Variants in SDK1 observed in about 807,000 individuals in gnomAD.
SDK1 encodes the protein sidekick cell adhesion molecule 1.
Under a neutral mutation model 245.5 loss-of-function variants are expected in SDK1, and 157 were observed. That is an observed-to-expected ratio of 0.64 (90% CI 0.56 to 0.73). The LOEUF is 0.73. SDK1 is among the 30% of genes least tolerant of loss of function. SDK1 has a pLI of 0.00. For missense variants in SDK1, 3,583 were observed against 3,002.3 expected, an observed-to-expected ratio of 1.19 and a Z score of -4.52; for synonymous variants, 1,647 against 1,278.5, an observed-to-expected ratio of 1.29 and a Z score of -6.15.
chr7:4,030,598 G>A (rs758341950), intron 17 of SDK1, among the ~76,000 whole-genome samples: 3 of 152,182 alleles, frequency 2.0e-5, no homozygotes, highest in African/African-American at 7.2e-5. Context: ...CATCATCAAC[G>A]GGCTTTTCAT....
At chr7:4,225,024 C>T (rs915144958) in intron 40 of SDK1, among the ~76,000 whole-genome samples, 4 of 144,896 alleles carry the variant, frequency 2.8e-5, no homozygotes, top group African/African-American at 7.7e-5. Context: ...AAAAGACACC[C>T]GCACTAGAAA....
intron 28 of SDK1, among the ~76,000 whole-genome samples, 180 bp from the exon 29 acceptor site, chr7:4,145,542 C>T (rs754182840): frequency 1.3e-5 from 2 of 152,090 alleles, no homozygotes; most frequent in South Asian, 2.1e-4. Flanking sequence ...GGGAAATCCA[C>T]GTGGGGCCCC....
rs771255866 is a variant in SDK1, at chr7:4,012,213, G to T, written c.2398G>T (p.Val800Leu). Residue 800 changes from valine to leucine, a missense_variant, in exon 16 of 45, where the codon GTG (valine) becomes TTG (leucine). Coordinates refer to ENST00000404826, the MANE Select transcript of SDK1 (RefSeq NM_152744.4). ...ACCCCCAGAAACAGAGCACAACGGG[G>T]TGTTGCGTGGATACATCCTCAGGCA... is the stretch of plus-strand genomic sequence containing the variant. ...QPPPETEHNG[V>L]LRGYILRYRL... The T allele has an allele frequency of 1.3e-6, 2 of 1,541,364 alleles. No individual in the cohort carries two copies. The highest frequency in any genetic ancestry group is 1.3e-5 in the South Asian group (1 of 78,974).
In SDK1 at chr7:3,974,486, C is replaced by G; in HGVS notation, c.1935C>G (p.Tyr645Ter). The G allele has an allele frequency of 6.2e-7, 1 of 1,614,168 alleles. No individual in the cohort carries two copies. Among genetic ancestry groups the G allele is most frequent in the Non-Finnish European group, 8.5e-7 (1 of 1,180,044 alleles). ...SQTWSGDIGD[Y>*]SCEIVSEGGN... ...CGTGGTCAGGCGACATCGGTGACTA[C>G]AGCTGCGAGATTGTTTCTGAAGGAG... The change falls in exon 13 of 45, where the codon TAC becomes TAG. Residue 645 changes from tyrosine (Y) to a stop codon, truncating the protein, a stop_gained. Coordinates refer to ENST00000404826, the MANE Select transcript of SDK1 (RefSeq NM_152744.4). LOFTEE classifies it high-confidence loss of function.
At chr7:3,488,748 C>T (rs2128604449) in intron 1 of SDK1, among the ~76,000 whole-genome samples, 1 of 152,260 alleles carries the variant, frequency 6.6e-6, no homozygotes, top group African/African-American at 2.4e-5. Context: ...GCCTCAGTAG[C>T]ATCATCAAAA....
intron 42 of SDK1, among the ~76,000 whole-genome samples, chr7:4,239,430 A>C (rs989736883): frequency 6.6e-6 from 1 of 152,260 alleles, no homozygotes; most frequent in East Asian, 1.9e-4. Context: ...AGATTAGCAT[A>C]GCTTGTGCAT....
intron 22 of SDK1, among the ~76,000 whole-genome samples, chr7:4,101,920 C>A (rs1234629974): frequency 6.6e-6 from 1 of 152,120 alleles, no homozygotes; most frequent in Non-Finnish European, 1.5e-5. Flanking sequence ...AGAGAGCCAG[C>A]ACCCCAGGAA....
chr7:4,198,303 A>G (rs772188716), intron 35 of SDK1, among the ~76,000 whole-genome samples: 1 of 152,152 alleles, frequency 6.6e-6, no homozygotes, highest in African/African-American at 2.4e-5. Context: ...TTCCCACTGC[A>G]CCCCTGACAG....
At chr7:4,107,987 A>C (rs962574008) in intron 22 of SDK1, among the ~76,000 whole-genome samples, 1 of 152,154 alleles carries the variant, frequency 6.6e-6, no homozygotes, top group East Asian at 1.9e-4. Context: ...TTCCTAGCTT[A>C]TGGGTGGGCC....
At chr7:3,452,843 A>G (rs1780557634) in intron 1 of SDK1, among the ~76,000 whole-genome samples, 1 of 151,982 alleles carries the variant, frequency 6.6e-6, no homozygotes, top group South Asian at 2.1e-4. Context: ...ATTCCTGCCT[A>G]GGTCATCTCT....
At chr7:3,726,038 G>A (rs971859716) in intron 4 of SDK1, among the ~76,000 whole-genome samples, 7 of 152,218 alleles carry the variant, frequency 4.6e-5, no homozygotes, top group African/African-American at 1.7e-4. Flanking sequence ...TTTGCTAAGT[G>A]TGCTTGAAGC....
intron 5 of SDK1, among the ~76,000 whole-genome samples, chr7:3,937,638 C>T (rs901701382): frequency 6.6e-6 from 1 of 152,160 alleles, no homozygotes; most frequent in Admixed American, 6.5e-5. Context: ...TTGTGTCTCT[C>T]GTTTCAACTT....
intron 4 of SDK1, among the ~76,000 whole-genome samples, chr7:3,717,639 C>G (rs1490045785): frequency 6.6e-6 from 1 of 152,162 alleles, no homozygotes; most frequent in Non-Finnish European, 1.5e-5. Flanking sequence ...AATACTACAG[C>G]AGGTTTATGC....
At chr7:3,475,402 G>C (rs1442005862) in intron 1 of SDK1, among the ~76,000 whole-genome samples, 1 of 152,110 alleles carries the variant, frequency 6.6e-6, no homozygotes, top group Non-Finnish European at 1.5e-5. Flanking sequence ...AGCCCCCTCG[G>C]GTGTGGGGCT....
intron 5 of SDK1, among the ~76,000 whole-genome samples, chr7:3,844,301 A>G (rs192008759): frequency 1.1e-4 from 16 of 152,306 alleles, no homozygotes; most frequent in Admixed American, 4.6e-4. Context: ...CGTATTGCCA[A>G]TTATTTAAAG....
chr7:3,865,392 C>G (rs1045792499), intron 5 of SDK1, among the ~76,000 whole-genome samples: 1 of 152,198 alleles, frequency 6.6e-6, no homozygotes, highest in African/African-American at 2.4e-5. Flanking sequence ...GACCGACAGA[C>G]TCAAAATGTT....
At chr7:3,356,291 A>G (rs948061362) in intron 1 of SDK1, among the ~76,000 whole-genome samples, 2 of 152,286 alleles carry the variant, frequency 1.3e-5, no homozygotes, top group South Asian at 2.1e-4. Context: ...AACAAAGTGC[A>G]TAAAGCAGAT....
rs776606938 is a variant in SDK1 at position 4,191,095 on chromosome 7, C to T, written c.5098+12509C>T. 7.2e-5 allele frequency among the ~76,000 whole-genome samples: 11 copies of T among 152,290 alleles called. No homozygotes were observed. The South Asian group carries it at 1.7e-3, about 23-fold the overall frequency. Reference sequence around the variant, plus strand: ...CTTCAGGGGATCCCTGTTATGTATGCGGGAAAAATCAAGCTCACTCCTGAG... The same window carrying T: ...CTTCAGGGGATCCCTGTTATGTATGTGGGAAAAATCAAGCTCACTCCTGAG... On this transcript the variant is annotated intron_variant, in intron 35 of 44. Transcript: ENST00000404826.
At chr7:3,880,021 C>T (rs947726955) in intron 5 of SDK1, among the ~76,000 whole-genome samples, 1 of 152,106 alleles carries the variant, frequency 6.6e-6, no homozygotes, top group Non-Finnish European at 1.5e-5. Context: ...TTATAATTTC[C>T]CTTCTATTCT....
Sources: allele counts gnomAD v4.1 joint callset (sites outside exome capture counted in the v4.1 genomes callset), GRCh38; gene constraint gnomAD v4.1.1; transcripts MANE v1.5; gene names NCBI Gene and HGNC (gene_info 2026-07-23, HGNC 2026-07-21).